TCEAL4: variants seen among roughly 807,000 people sequenced by gnomAD.
TCEAL4 encodes the protein transcription elongation factor A like 4.
Under a neutral mutation model 1.3 loss-of-function variants are expected in TCEAL4, and 1 was observed. The observed-to-expected ratio is 0.79, with a 90% CI of 0.28 to 3.76. The LOEUF (loss-of-function observed/expected upper bound fraction) is 3.76, where lower values mean the gene tolerates loss of function less well. TCEAL4 is among the 30% of genes most tolerant of loss of function. TCEAL4 has a pLI of 0.18. For missense variants in TCEAL4, 129 were observed against 154.7 expected (o/e 0.83, Z 0.88); for synonymous variants, 54 against 50.7 (o/e 1.06, Z -0.28).
chrX:103,579,133 G>A (rs1269516623), intron 2 of TCEAL4, among the ~76,000 whole-genome samples: 1 of 112,395 alleles, frequency 8.9e-6, no homozygotes, highest in Non-Finnish European at 1.9e-5. Flanking sequence ...CTGTAGGTAT[G>A]AGGGCTTATT....
upstream of TCEAL4, among the ~76,000 whole-genome samples, chrX:103,581,240 A>G (rs1412622234): frequency 9.0e-6 from 1 of 111,708 alleles, no homozygotes; most frequent in Non-Finnish European, 1.9e-5. Flanking sequence ...AGTAATAAAT[A>G]GCCTACTAAC....
upstream of TCEAL4, among the ~76,000 whole-genome samples, chrX:103,581,302 AC>A (rs751360423): frequency 8.9e-6 from 1 of 111,795 alleles, no homozygotes; most frequent in East Asian, 2.8e-4. Flanking sequence ...GCTGAATTTT[AC>A]CAGAGGTACA....
rs192691714 is a variant in TCEAL4, at chrX:103,586,888, A to G, written c.213A>G (p.Ala71=). The part of the protein sequence containing the change: ...DKGKPESEGE[A]KEGKSEREGE... ...GAAAGCCAGAGAGTGAGGGAGAGGC[A>G]AAAGAAGGAAAGTCAGAGAGGGAGG... is the stretch of plus-strand genomic sequence containing the variant. Residue 71 remains alanine, a synonymous_variant, in exon 3 of 3, where the codon GCA becomes GCG. Coordinates refer to ENST00000472484, the MANE Select transcript of TCEAL4 (RefSeq NM_001006935.3). 8.4e-7 allele frequency: 1 copy of G among 1,194,339 alleles called. No individual in the cohort carries two copies. Among genetic ancestry groups the G allele is most frequent in the East Asian group, 3.0e-5 (1 of 32,914 alleles).
chrX:103,583,029 G>GA (rs200615766), upstream of TCEAL4, among the ~76,000 whole-genome samples: 1,168 of 110,844 alleles, frequency 0.011, 17 homozygotes, highest in African/African-American at 0.037. Flanking sequence ...AAATTTACAA[G>GA]AAAAAAACAG....
upstream of TCEAL4, among the ~76,000 whole-genome samples, chrX:103,580,705 C>A (rs1416694724): frequency 9.0e-6 from 1 of 111,643 alleles, no homozygotes; most frequent in African/African-American, 3.3e-5. Flanking sequence ...AATCCACCCA[C>A]CTTGGCTTCT....
At chrX:103,580,125 G>A (rs1315317520) in intron 2 of TCEAL4, among the ~76,000 whole-genome samples, 2 of 112,089 alleles carry the variant, frequency 1.8e-5, no homozygotes, top group African/African-American at 6.5e-5. Context: ...TCTCTAGAGG[G>A]CAATATCACT....
Position 103,585,557 on chromosome X carries a change from T to C in TCEAL4, c.-168T>C. On this transcript the variant is annotated 5_prime_UTR_variant, in exon 1 of 3. Coordinates refer to ENST00000472484, the MANE Select transcript of TCEAL4 (RefSeq NM_001006935.3). The stretch of plus-strand genomic sequence containing the variant: ...GGCACCGGTCCGAGTGCCTGCCCTC[T>C]GTCCCCGCGGCTGGGTCTCGTCTGC... 1 of 1,162,544 alleles carries C rather than the reference T, an allele frequency of 8.6e-7. No individual in the cohort carries two copies. The highest frequency in any genetic ancestry group is 1.1e-6 in the Non-Finnish European group (1 of 870,158).
chrX:103,586,317 G>A, intron 2 of TCEAL4, 26 bp downstream of exon 2: 9 of 1,164,962 alleles, frequency 7.7e-6, no homozygotes, highest in Non-Finnish European at 1.0e-5. Flanking sequence ...GGGCTGCATG[G>A]ACAGGGGCCC....
At chrX:103,581,859 A>C (rs1290798149), upstream of TCEAL4, among the ~76,000 whole-genome samples, 2 of 111,397 alleles carry the variant, frequency 1.8e-5, no homozygotes, top group African/African-American at 6.5e-5. Flanking sequence ...CTCTCTCACC[A>C]CTCCTATTCA....
upstream of TCEAL4, among the ~76,000 whole-genome samples, chrX:103,584,165 T>C (rs950738568): frequency 9.0e-6 from 1 of 110,970 alleles, no homozygotes; most frequent in African/African-American, 3.3e-5. Flanking sequence ...TGACCTCAGG[T>C]GATCCACCCG....
upstream of TCEAL4, among the ~76,000 whole-genome samples, chrX:103,583,410 C>T (rs1488274805): frequency 8.9e-6 from 1 of 111,767 alleles, no homozygotes; most frequent in East Asian, 2.8e-4. Context: ...GATACATGCA[C>T]CCGTATGTTC....
At chrX:103,584,804 C>G (rs1603161291), upstream of TCEAL4, among the ~76,000 whole-genome samples, 1 of 112,372 alleles carries the variant, frequency 8.9e-6, no homozygotes, top group East Asian at 2.8e-4. Flanking sequence ...ATGTTGTTGA[C>G]GTGAGGAAGC....
chrX:103,585,643 C>T lies in TCEAL4; in HGVS notation c.-101+19C>T. On this transcript the variant is annotated intron_variant, in intron 1 of 2. Transcript: ENST00000472484. ...CTTCCAGGTCAGTGTGCGGGCCTTC[C>T]ACGCTGCCAGCGGAACACTGGAATG... 1 of 1,165,183 alleles carries T rather than the reference C, an allele frequency of 8.6e-7. No homozygotes were observed. The highest frequency in any genetic ancestry group is 1.1e-6 in the Non-Finnish European group (1 of 872,525).
At chrX:103,578,488 A>AT (rs1170665170) in intron 2 of TCEAL4, among the ~76,000 whole-genome samples, 1 of 111,480 alleles carries the variant, frequency 9.0e-6, no homozygotes, top group Non-Finnish European at 1.9e-5. Flanking sequence ...ATTTCTCTAC[A>AT]TTTTTGCAAA....
chrX:103,576,968 G>A (rs2073486537), intron 1 of TCEAL4: 1 of 831,267 alleles, frequency 1.2e-6, no homozygotes, highest in East Asian at 3.5e-5. Context: ...TTGTTACATG[G>A]CAGCTGCTTC....
chrX:103,576,737 C>G (rs1308287098), intron 1 of TCEAL4, among the ~76,000 whole-genome samples: 1 of 112,239 alleles, frequency 8.9e-6, no homozygotes, highest in Non-Finnish European at 1.9e-5. Flanking sequence ...GCACTCCAGC[C>G]TGGGTGACAG....
intron 2 of TCEAL4, among the ~76,000 whole-genome samples, chrX:103,579,683 A>T (rs1472800206): frequency 8.9e-6 from 1 of 111,828 alleles, no homozygotes; most frequent in Non-Finnish European, 1.9e-5. Context: ...ATTATTTGGG[A>T]TGTTCTATAT....
chrX:103,586,136 G>A, intron 1 of TCEAL4, 83 bp from the exon 2 acceptor site: 1 of 1,149,069 alleles, frequency 8.7e-7, no homozygotes, highest in Admixed American at 2.7e-5. Context: ...GGATGAGAAG[G>A]GCCTGGACTC....
rs1379621272 is a variant in TCEAL4, at chrX:103,577,257, A to G, written c.183+44A>G. 2.7e-6 allele frequency: 3 copies of G among 1,121,962 alleles called. No homozygotes were observed. In the East Asian group the frequency reaches 9.9e-5, roughly 37 times the overall value. 92.5% of individuals were successfully genotyped at this position (1,121,962 alleles called of 1,213,427 possible). On this transcript the variant is annotated intron_variant, in intron 2 of 4. Transcript: ENST00000372629. Reference sequence around the variant, plus strand: ...TATGCATATAGATATTCAATAGATCAATGTTGTTAATAGTAAAAGTATGGA... The same window carrying G: ...TATGCATATAGATATTCAATAGATCGATGTTGTTAATAGTAAAAGTATGGA...
Sources: allele counts gnomAD v4.1 joint callset (sites outside exome capture counted in the v4.1 genomes callset), GRCh38; gene constraint gnomAD v4.1.1; transcripts MANE v1.5; gene names NCBI Gene and HGNC (gene_info 2026-07-23, HGNC 2026-07-21).